RAPGEF6: variants seen among roughly 807,000 people sequenced by gnomAD.
The protein encoded by RAPGEF6 is PDZ domain containing guanine nucleotide exchange factor (GEF) 2.
RAPGEF6 carries 56 observed loss-of-function variants against 171.4 expected under a neutral mutation model. The observed-to-expected ratio is 0.33, with a 90% CI of 0.26 to 0.41. The LOEUF (loss-of-function observed/expected upper bound fraction) is 0.41. Ranked by LOEUF, RAPGEF6 falls within the 10% of genes least tolerant of loss-of-function variation. RAPGEF6 has a pLI of 1.00. For synonymous variants in RAPGEF6, 692 were observed against 650.1 expected, an observed-to-expected ratio of 1.06 and a Z score of -0.98; for missense variants, 1,674 against 1,921.4, an observed-to-expected ratio of 0.87 and a Z score of 2.41.
chr5:131,428,783 A>T, intron 27 of RAPGEF6, 119 bp downstream of exon 27: 1 of 1,140,588 alleles, frequency 8.8e-7, no homozygotes, highest in Non-Finnish European at 1.2e-6. Context: ...CTTACTTTTT[A>T]ACAGAGATTC....
chr5:131,476,495 T>G (rs1580885271), intron 16 of RAPGEF6, among the ~76,000 whole-genome samples: 1 of 152,182 alleles, frequency 6.6e-6, no homozygotes, highest in Non-Finnish European at 1.5e-5. Context: ...AGTTTCACTC[T>G]GTCACCCAGG....
chr5:131,581,391 C>T (rs1026230534), intron 4 of RAPGEF6, among the ~76,000 whole-genome samples: 4 of 151,588 alleles, frequency 2.6e-5, no homozygotes, highest in African/African-American at 9.7e-5. Context: ...TAATACCTAT[C>T]TTCCTCCTTC....
intron 17 of RAPGEF6, among the ~76,000 whole-genome samples, chr5:131,466,019 A>G (rs1754311128): frequency 6.6e-6 from 1 of 151,414 alleles, no homozygotes; most frequent in South Asian, 2.1e-4. Context: ...GTTAAAAGGG[A>G]GAAATGGAAC....
intron 1 of RAPGEF6, among the ~76,000 whole-genome samples, chr5:131,632,838 C>A (rs1766397267): frequency 6.6e-6 from 1 of 152,200 alleles, no homozygotes; most frequent in Non-Finnish European, 1.5e-5. Flanking sequence ...AAATTCTACA[C>A]TCATTCAAAA....
At chr5:131,482,595 G>A (rs910335858) in intron 15 of RAPGEF6, among the ~76,000 whole-genome samples, 1 of 152,110 alleles carries the variant, frequency 6.6e-6, no homozygotes, top group Admixed American at 6.5e-5. Context: ...GAGCCACCAC[G>A]ACTGGCCAAT....
intron 1 of RAPGEF6, among the ~76,000 whole-genome samples, chr5:131,627,190 G>A (rs2150040285): frequency 6.6e-6 from 1 of 152,324 alleles, no homozygotes; most frequent in Non-Finnish European, 1.5e-5. Flanking sequence ...TGAAGGAAGA[G>A]GAATAATGAT....
chr5:131,580,130 TG>T (rs34221007), intron 4 of RAPGEF6, among the ~76,000 whole-genome samples: 151,418 of 151,996 alleles, frequency 1, 75,421 homozygotes, highest in East Asian at 1. Flanking sequence ...GAGCCCACTG[TG>T]GGGGGGGGCT....
chr5:131,595,687 A>G (rs2150006828), intron 3 of RAPGEF6, among the ~76,000 whole-genome samples: 1 of 152,338 alleles, frequency 6.6e-6, no homozygotes, highest in East Asian at 1.9e-4. Context: ...AAACAACCAG[A>G]AAACCATTAA....
intron 27 of RAPGEF6, among the ~76,000 whole-genome samples, chr5:131,427,694 T>C (rs1177961899): frequency 6.6e-6 from 1 of 152,202 alleles, no homozygotes; most frequent in Non-Finnish European, 1.5e-5. Flanking sequence ...TACAATTCCA[T>C]TAATGTTAAA....
At chr5:131,578,579 C>A (rs753323672) in intron 4 of RAPGEF6, among the ~76,000 whole-genome samples, 2 of 152,116 alleles carry the variant, frequency 1.3e-5, no homozygotes, top group African/African-American at 2.4e-5. Flanking sequence ...TCCATCCCCC[C>A]ATATTTGGAC....
intron 1 of RAPGEF6, among the ~76,000 whole-genome samples, chr5:131,608,506 G>A (rs1398509763): frequency 6.6e-6 from 1 of 152,164 alleles, no homozygotes; most frequent in Non-Finnish European, 1.5e-5. Flanking sequence ...TCCTCAATGG[G>A]TAGAGTTGTG....
At chr5:131,545,326 T>C (rs574219328) in intron 6 of RAPGEF6, among the ~76,000 whole-genome samples, 2 of 152,158 alleles carry the variant, frequency 1.3e-5, no homozygotes, top group African/African-American at 4.8e-5. Flanking sequence ...AGAATAATTA[T>C]GATAAACAAC....
In RAPGEF6 at chr5:131,571,081, T is replaced by C. The variant is rs1419189715; in HGVS notation, c.282-9034A>G. ...TGCCTCAGCCTCCCAAGTAGGTGGC[T>C]TGGGTACATGCCACCACACCGGGTT... On this transcript the variant is annotated intron_variant, in intron 4 of 27. Coordinates refer to ENST00000509018, the MANE Select transcript of RAPGEF6 (RefSeq NM_016340.6). Among the ~76,000 whole-genome samples the C allele has an allele frequency of 2.6e-5, 4 of 151,822 alleles. No individual in the cohort carries two copies. The East Asian group carries it at 7.7e-4, about 29-fold the overall frequency.
intron 15 of RAPGEF6, among the ~76,000 whole-genome samples, chr5:131,483,676 A>C (rs1462996003): frequency 6.6e-6 from 1 of 152,144 alleles, no homozygotes; most frequent in Admixed American, 6.5e-5. Flanking sequence ...CAAAACACAA[A>C]CCACTTAGGG....
intron 3 of RAPGEF6, 42 bp from the exon 4 acceptor site, chr5:131,592,508 CAT>C (rs770445837): frequency 6.3e-7 from 1 of 1,594,648 alleles, no homozygotes; most frequent in Non-Finnish European, 8.5e-7. Flanking sequence ...AAACAACACA[CAT>C]GTTCATATGT....
At position 131,510,362 on chromosome 5, in the gene RAPGEF6, G is replaced by T. The variant is rs1346425983; in HGVS notation, c.757C>A (p.Arg253=). 6.2e-7 allele frequency: 1 copy of T among 1,613,654 alleles called. No individual in the cohort carries two copies. Among genetic ancestry groups the T allele is most frequent in the Non-Finnish European group, 8.5e-7 (1 of 1,179,912 alleles). Residue 253 remains arginine, a synonymous_variant, in exon 8 of 28, where the codon CGA becomes AGA. Coordinates refer to ENST00000509018, the MANE Select transcript of RAPGEF6 (RefSeq NM_016340.6). ...GCAGGTTCTTTTTCAAGACATTCTC[G>T]AACAAGATCTCGCCCCTGCAATGGA... ...TDPLQGRDLV[R]ECLEKEPADK...
rs1761643116 is a variant in RAPGEF6 at position 131,562,152 on chromosome 5, C to G, written c.282-105G>C. ...AACAAAAAAGCCCTGAGATATTATC[C>G]AAGAAATTCTGATCCTGTCACAATA... is the stretch of plus-strand genomic sequence containing the variant. On this transcript the variant is annotated intron_variant, in intron 4 of 27. Transcript: ENST00000509018. 3 of 684,584 alleles carry G rather than the reference C, an allele frequency of 4.4e-6. No individual in the cohort carries two copies. The East Asian group carries it at 9.7e-5, about 22-fold the overall frequency. The allele number at this position is 684,584 out of a possible 1,614,324, so 42.4% of individuals were successfully genotyped here. A position where few individuals can be genotyped will look rare whatever the true frequency, so the allele number is the denominator to read the frequency against.
intron 6 of RAPGEF6, chr5:131,531,989 G>T (rs889058458): frequency 3.2e-5 from 10 of 316,276 alleles, no homozygotes; most frequent in African/African-American, 1.8e-4. Context: ...AGACTACTTT[G>T]TAGTTCTTAT....
intron 6 of RAPGEF6, among the ~76,000 whole-genome samples, chr5:131,542,943 C>A (rs570034837): frequency 2.8e-4 from 43 of 152,140 alleles, no homozygotes; most frequent in Non-Finnish European, 5.6e-4. Flanking sequence ...CAACTAGGGA[C>A]ATGTGGTTAT....
Sources: gnomAD v4.1 joint callset for allele counts (sites outside exome capture counted in the v4.1 genomes callset) on GRCh38, gnomAD v4.1.1 for gene constraint, MANE v1.5 for transcripts, NCBI Gene and HGNC (gene_info 2026-07-23, HGNC 2026-07-21) for gene names.